RELCH: variants seen among roughly 807,000 people sequenced by gnomAD.
The protein encoded by RELCH is RAB11 binding and LisH domain, coiled-coil and HEAT repeat containing, also known as RAB11-binding protein RELCH.
Under a neutral mutation model 150.3 loss-of-function variants are expected in RELCH, and 41 were observed. The ratio of observed to expected loss-of-function variants is 0.27; its 90% confidence interval spans 0.21 to 0.35. RELCH has a LOEUF of 0.35. Ranked by LOEUF, RELCH falls within the 10% of genes least tolerant of loss-of-function variation. RELCH has a pLI of 1.00. For synonymous variants in RELCH, 478 were observed against 531.8 expected, an observed-to-expected ratio of 0.90 and a Z score of 1.39; for missense variants, 1,092 against 1,467.8, an observed-to-expected ratio of 0.74 and a Z score of 4.18.
chr18:62,211,953 G>A (rs532997418), intron 2 of RELCH, among the ~76,000 whole-genome samples: 3 of 152,146 alleles, frequency 2.0e-5, no homozygotes, highest in Non-Finnish European at 4.4e-5. Context: ...GATTGGTCCA[G>A]TAAGGGCCTC....
chr18:62,292,984 A>C (rs1424505732), intron 27 of RELCH, among the ~76,000 whole-genome samples: 3 of 152,162 alleles, frequency 2.0e-5, no homozygotes, highest in Non-Finnish European at 4.4e-5. Flanking sequence ...AGTTTCTTAC[A>C]TACAAGGCCT....
At chr18:62,248,140 G>GT (rs1201207760) in intron 11 of RELCH, among the ~76,000 whole-genome samples, 94 of 152,230 alleles carry the variant, frequency 6.2e-4, no homozygotes, top group African/African-American at 2.2e-3. Flanking sequence ...TTCACTCAAT[G>GT]TAAGTTCACA....
intron 19 of RELCH, among the ~76,000 whole-genome samples, chr18:62,267,747 A>G (rs1269308452): frequency 6.6e-6 from 1 of 151,870 alleles, no homozygotes; most frequent in East Asian, 1.9e-4. Context: ...TGTTGGTAAT[A>G]TATGTTTATT....
chr18:62,262,783 A>G (rs765939151), intron 16 of RELCH, among the ~76,000 whole-genome samples: 4 of 151,946 alleles, frequency 2.6e-5, no homozygotes, highest in Non-Finnish European at 4.4e-5. Context: ...TTCGTTTACT[A>G]TGGCTGCCTT....
At chr18:62,272,568 C>G (rs770669975) in intron 20 of RELCH, among the ~76,000 whole-genome samples, 8 of 152,126 alleles carry the variant, frequency 5.3e-5, no homozygotes, top group Middle Eastern at 3.4e-3. Flanking sequence ...GTAGCAATCA[C>G]AGATTGCCAG....
intron 20 of RELCH, among the ~76,000 whole-genome samples, chr18:62,269,919 G>T (rs1801429542): frequency 6.6e-6 from 1 of 152,120 alleles, no homozygotes; most frequent in Admixed American, 6.6e-5. Context: ...GATTAGGGAT[G>T]CTTAACCTGT....
intron 7 of RELCH, among the ~76,000 whole-genome samples, chr18:62,228,099 A>G (rs1006365626): frequency 6.6e-6 from 1 of 152,096 alleles, no homozygotes; most frequent in Non-Finnish European, 1.5e-5. Flanking sequence ...GGCCATTTTT[A>G]TGCTTCATTC....
intron 5 of RELCH, among the ~76,000 whole-genome samples, chr18:62,226,990 C>A (rs2041253871): frequency 6.6e-6 from 1 of 151,902 alleles, no homozygotes; most frequent in Admixed American, 6.6e-5. Context: ...GTGTTTGAGA[C>A]CATCCTAGGC....
intron 28 of RELCH, among the ~76,000 whole-genome samples, chr18:62,302,695 A>C (rs2045717458): frequency 6.6e-6 from 1 of 151,784 alleles, no homozygotes; most frequent in South Asian, 2.1e-4. Flanking sequence ...CAGCTAATTA[A>C]TGTATTTTTA....
At chr18:62,237,009 T>C (rs891371727) in intron 10 of RELCH, among the ~76,000 whole-genome samples, 3 of 151,858 alleles carry the variant, frequency 2.0e-5, no homozygotes, top group Admixed American at 6.6e-5. Context: ...TTCATTCATC[T>C]CAATGTTTTC....
At chr18:62,226,773 G>A (rs1207468606) in intron 5 of RELCH, among the ~76,000 whole-genome samples, 1 of 151,980 alleles carries the variant, frequency 6.6e-6, no homozygotes, top group East Asian at 1.9e-4. Flanking sequence ...AGAAGGTCAG[G>A]AAACTTACAA....
intron 1 of RELCH, among the ~76,000 whole-genome samples, chr18:62,192,543 C>T (rs1415844027): frequency 6.6e-6 from 1 of 152,152 alleles, no homozygotes; most frequent in Admixed American, 6.5e-5. Context: ...AGTCTTTAAT[C>T]CACCTTGAGT....
chr18:62,270,759 A>C (rs922696694), intron 20 of RELCH, among the ~76,000 whole-genome samples: 7 of 151,944 alleles, frequency 4.6e-5, no homozygotes, highest in African/African-American at 1.7e-4. Flanking sequence ...CTTGTCATTT[A>C]CATTAGGTAT....
Position 62,193,100 on chromosome 18 carries a change from C to T in RELCH, c.526+5069C>T, listed in dbSNP as rs186291194. On this transcript the variant is annotated intron_variant, in intron 1 of 28. Transcript: ENST00000644646. Reference sequence around the variant, plus strand: ...GGTGCTTCACTTCCTTTGTTAGCTGCGTTCCTAGGTATTTTATTCTCTTCA... The same window carrying T: ...GGTGCTTCACTTCCTTTGTTAGCTGTGTTCCTAGGTATTTTATTCTCTTCA... 1.6e-3 allele frequency among the ~76,000 whole-genome samples: 240 copies of T among 152,148 alleles called. 1 individual carries two copies. The highest frequency in any genetic ancestry group is 5.4e-3 in the African/African-American group (223 of 41,506).
At chr18:62,277,718 G>T in intron 22 of RELCH, 1 of 950,070 alleles carries the variant, frequency 1.1e-6, no homozygotes, top group Non-Finnish European at 1.3e-6. Context: ...ACAAAAAGAG[G>T]GAACCCAATC....
In RELCH at chr18:62,306,992, A is replaced by G. The variant is rs1817711742; in HGVS notation, c.*1458A>G. 1.3e-5 allele frequency: 2 copies of G among 152,676 alleles called. No homozygotes were observed. The highest frequency in any genetic ancestry group is 2.4e-5 in the African/African-American group (1 of 41,480). 9.5% of individuals were successfully genotyped at this position (152,676 alleles called of 1,614,324 possible). A position where few individuals can be genotyped will look rare whatever the true frequency, so the allele number is the denominator to read the frequency against. ...AATTATTTCATTTACCTACAGTGAA[A>G]TAATTGTGAACTAAGTAGTCTTTCT... On this transcript the variant is annotated 3_prime_UTR_variant, in exon 29 of 29. Transcript: ENST00000644646.
chr18:62,260,375 C>CAAAAAAAAAAAAAAA (rs201786752), intron 15 of RELCH, among the ~76,000 whole-genome samples: 1 of 101,032 alleles, frequency 9.9e-6, no homozygotes. Context: ...ATTAAAAAGA[C>CAAAAAAAAAAAAAAA]AAAAAAAAAA....
chr18:62,228,070 T>G (rs2041324563), intron 7 of RELCH, among the ~76,000 whole-genome samples: 1 of 152,126 alleles, frequency 6.6e-6, no homozygotes, highest in Non-Finnish European at 1.5e-5. Context: ...TAAGTGCCAA[T>G]CAAAAGCAGG....
intron 1 of RELCH, among the ~76,000 whole-genome samples, chr18:62,199,772 G>A (rs2039304567): frequency 6.6e-6 from 1 of 152,100 alleles, no homozygotes; most frequent in Non-Finnish European, 1.5e-5. Flanking sequence ...TAGAGCTCAG[G>A]CTTTGCTGTC....
Sources: allele counts gnomAD v4.1 joint callset (sites outside exome capture counted in the v4.1 genomes callset), GRCh38; gene constraint gnomAD v4.1.1; transcripts MANE v1.5; gene names NCBI Gene and HGNC (gene_info 2026-07-23, HGNC 2026-07-21).